SVEP1: variants seen among roughly 807,000 people sequenced by gnomAD.
The protein encoded by SVEP1 is sushi, von Willebrand factor type A, EGF and pentraxin domain containing 1.
A neutral mutation model predicts 367.3 loss-of-function variants in SVEP1; 164 were observed. The ratio of observed to expected loss-of-function variants is 0.45; its 90% CI spans 0.39 to 0.51. SVEP1 has a LOEUF of 0.51. Among genes scored for constraint, SVEP1 ranks in the 20% least tolerant of loss-of-function variants. SVEP1 has a pLI of 0.00. For synonymous variants in SVEP1, 1,666 were observed against 1,611.6 expected (o/e 1.03, Z -0.81); for missense variants, 4,117 against 4,425.3 (o/e 0.93, Z 1.98).
At chr9:110,457,037 G>A (rs1324186152) in intron 21 of SVEP1, among the ~76,000 whole-genome samples, 1 of 152,132 alleles carries the variant, frequency 6.6e-6, no homozygotes, top group African/African-American at 2.4e-5. Context: ...TAGGGAAGAT[G>A]AGTCTTTATT....
intron 43 of SVEP1, among the ~76,000 whole-genome samples, chr9:110,384,634 CAAGA>C (rs1481081318): frequency 6.6e-6 from 1 of 152,094 alleles, no homozygotes; most frequent in Non-Finnish European, 1.5e-5. Flanking sequence ...ATAATAACTA[CAAGA>C]AAGATATAAT....
Position 110,570,467 on chromosome 9 carries a change from C to CGTGTGTGTGTGTGTGT in SVEP1, c.531+8530_531+8545dup, listed in dbSNP as rs59503025. ...AAACTAAGACAAAAAGTTTCTGTTG[C>CGTGTGTGTGTGTGTGT]GTGTGTGTGTGTGTGTGTGTGTGTG... On this transcript the variant is annotated intron_variant, in intron 1 of 47. Transcript: ENST00000374469. 6.1e-3 allele frequency among the ~76,000 whole-genome samples: 891 copies of CGTGTGTGTGTGTGTGT among 146,924 alleles called. 7 individuals carry two copies. Among genetic ancestry groups the CGTGTGTGTGTGTGTGT allele is most frequent in the East Asian group, 0.024 (120 of 4,946 alleles).
chr9:110,578,305 A>G (rs1830648269), intron 1 of SVEP1, among the ~76,000 whole-genome samples: 1 of 152,206 alleles, frequency 6.6e-6, no homozygotes, highest in Non-Finnish European at 1.5e-5. Flanking sequence ...ATGGATGTAC[A>G]TACTGGGCAA....
intron 43 of SVEP1, among the ~76,000 whole-genome samples, chr9:110,381,925 C>T (rs780481209): frequency 1.3e-5 from 2 of 152,054 alleles, no homozygotes; most frequent in Admixed American, 6.6e-5. Flanking sequence ...TGAATTGAAC[C>T]CTTTACCATT....
In SVEP1 at chr9:110,406,452, C is replaced by T. The variant is rs766170979; in HGVS notation, c.9148G>A (p.Gly3050Ser). 4.3e-6 allele frequency: 7 copies of T among 1,614,044 alleles called. No individual in the cohort carries two copies. The highest frequency in any genetic ancestry group is 1.1e-5 in the South Asian group (1 of 91,090). Residue 3050 changes from glycine (G) to serine (S), a missense_variant, in exon 38 of 48, where the codon GGC (glycine) becomes AGC (serine). Physicochemically the swap from Gly to Ser is moderately conservative, Grantham distance 56. Transcript: ENST00000374469. ...TGGGGGAACCCAGAGCTCCACTGGC[C>T]ATCGGCTTCACAGGTGATTTCAGAA... ...GLSEITCEAD[G>S]QWSSGFPHCE...
At chr9:110,525,973 A>G in intron 3 of SVEP1, among the ~76,000 whole-genome samples, 1 of 152,162 alleles carries the variant, frequency 6.6e-6, no homozygotes, top group East Asian at 1.9e-4. Flanking sequence ...TTTTGAAACA[A>G]TCAGACATCC....
At chr9:110,393,523 T>C (rs970793419) in intron 40 of SVEP1, among the ~76,000 whole-genome samples, 3 of 152,106 alleles carry the variant, frequency 2.0e-5, no homozygotes, top group Non-Finnish European at 4.4e-5. Context: ...AGACAGTGGG[T>C]GCAGTGCACT....
intron 15 of SVEP1, 135 bp from the exon 16 acceptor site, chr9:110,471,732 A>G: frequency 1.5e-6 from 1 of 678,522 alleles, no homozygotes; most frequent in Admixed American, 3.0e-5. Context: ...AAAAATAAAA[A>G]TCTTTCAGGA....
intron 9 of SVEP1, among the ~76,000 whole-genome samples, chr9:110,484,549 G>C (rs889712725): frequency 6.6e-6 from 1 of 152,004 alleles, no homozygotes; most frequent in Admixed American, 6.6e-5. Context: ...ATTTTATGAC[G>C]AAAACATCAA....
At chr9:110,412,452 C>T (rs911941753) in intron 36 of SVEP1, among the ~76,000 whole-genome samples, 1 of 152,112 alleles carries the variant, frequency 6.6e-6, no homozygotes, top group East Asian at 1.9e-4. Flanking sequence ...TAGAAGAAAA[C>T]CTAGGCAATA....
At chr9:110,577,735 A>C (rs1830642990) in intron 1 of SVEP1, among the ~76,000 whole-genome samples, 1 of 152,096 alleles carries the variant, frequency 6.6e-6, no homozygotes, top group Non-Finnish European at 1.5e-5. Flanking sequence ...ACTTTTGCAA[A>C]TCATTAAGAA....
At chr9:110,476,386 C>G (rs1212093997) in intron 13 of SVEP1, 71 bp from the exon 14 acceptor site, 1 of 1,169,470 alleles carries the variant, frequency 8.6e-7, no homozygotes, top group African/African-American at 1.5e-5. Context: ...CACTTTGCTC[C>G]CCTGGCCTTC....
rs943873177 is a variant in SVEP1, at chr9:110,471,582, G to A, written c.2780C>T (p.Pro927Leu). The change falls in exon 16 of 48, where the codon CCC (proline) becomes CTC (leucine). Residue 927 changes from proline (P) to leucine (L), a missense_variant. Physicochemically the swap from Pro to Leu is moderately conservative, Grantham distance 98. Transcript: ENST00000374469. ...TTCAAGGGTATCATTTCTTTCATCG[G>A]GTAATGGCACACTAGCTGAGATAAA... is the stretch of plus-strand genomic sequence containing the variant. ...IFNITASVPL[P>L]DERNDTLEWE... is the part of the protein sequence containing the mutation. The A allele has an allele frequency of 1.2e-6, 2 of 1,613,076 alleles. No homozygotes were observed. The highest frequency in any genetic ancestry group is 1.3e-5 in the African/African-American group (1 of 74,790).
intron 43 of SVEP1, among the ~76,000 whole-genome samples, chr9:110,385,445 T>G (rs940648344): frequency 6.6e-6 from 1 of 152,194 alleles, no homozygotes. Context: ...CTCAGATTGT[T>G]TTTTCTGGGC....
chr9:110,518,134 G>C (rs375260938), intron 3 of SVEP1, among the ~76,000 whole-genome samples: 2 of 152,062 alleles, frequency 1.3e-5, no homozygotes, highest in African/African-American at 4.8e-5. Flanking sequence ...AAAAGTAAAT[G>C]AAGTTAGGCC....
chr9:110,507,811 T>G (rs774252560), intron 5 of SVEP1, among the ~76,000 whole-genome samples: 17 of 152,178 alleles, frequency 1.1e-4, no homozygotes, highest in Non-Finnish European at 2.1e-4. Context: ...TGTATAAAAT[T>G]TGGAAAACCA....
intron 14 of SVEP1, among the ~76,000 whole-genome samples, chr9:110,474,070 G>C (rs147243075): frequency 6.6e-6 from 1 of 152,068 alleles, no homozygotes; most frequent in Non-Finnish European, 1.5e-5. Flanking sequence ...GCATGATCTC[G>C]GCCCACTGCC....
intron 9 of SVEP1, among the ~76,000 whole-genome samples, chr9:110,489,187 G>C (rs1399914597): frequency 6.6e-6 from 1 of 152,218 alleles, no homozygotes; most frequent in Non-Finnish European, 1.5e-5. Context: ...GGAAGAATCA[G>C]TGACAAGGGA....
At chr9:110,504,115 C>T (rs895652210) in intron 5 of SVEP1, among the ~76,000 whole-genome samples, 4 of 151,874 alleles carry the variant, frequency 2.6e-5, no homozygotes, top group East Asian at 1.9e-4. Flanking sequence ...AGTGCAGTGG[C>T]GTGATCTCAG....
Sources: gnomAD v4.1 joint callset for allele counts (sites outside exome capture counted in the v4.1 genomes callset) on GRCh38, gnomAD v4.1.1 for gene constraint, MANE v1.5 for transcripts, NCBI Gene and HGNC (gene_info 2026-07-23, HGNC 2026-07-21) for gene names.